The following KIAA1549L variants were observed in gnomAD, a reference collection of about 807,000 sequenced individuals.
KIAA1549L encodes UPF0606 protein KIAA1549L.
A neutral mutation model predicts 160.7 loss-of-function variants in KIAA1549L; 88 were observed. That is an observed-to-expected ratio of 0.55 (90% CI 0.46 to 0.65). The LOEUF is 0.65. Among genes scored for constraint, KIAA1549L ranks in the 30% least tolerant of loss-of-function variants. The pLI, the probability that KIAA1549L is intolerant of heterozygous loss-of-function variation, is 0.00. For synonymous variants in KIAA1549L, 950 were observed against 976.7 expected (o/e 0.97, Z 0.51); for missense variants, 2,258 against 2,437.5 (o/e 0.93, Z 1.55).
intron 8 of KIAA1549L, among the ~76,000 whole-genome samples, chr11:33,562,846 T>C (rs1386092645): frequency 1.3e-5 from 2 of 151,530 alleles, no homozygotes; most frequent in Non-Finnish European, 2.9e-5. Context: ...AACCAGCTAA[T>C]TTTTTTGTAT....
chr11:33,578,650 C>T (rs1401510880), intron 10 of KIAA1549L, among the ~76,000 whole-genome samples: 1 of 152,218 alleles, frequency 6.6e-6, no homozygotes, highest in African/African-American at 2.4e-5. Context: ...CAGGTGCACC[C>T]AGCAAGCCTT....
intron 16 of KIAA1549L, among the ~76,000 whole-genome samples, chr11:33,633,809 C>G (rs1464348353): frequency 6.6e-6 from 1 of 152,200 alleles, no homozygotes. Flanking sequence ...TACTTACAAG[C>G]TACGTGAAGT....
At chr11:33,470,107 A>T (rs1329233728) in intron 1 of KIAA1549L, among the ~76,000 whole-genome samples, 3 of 151,978 alleles carry the variant, frequency 2.0e-5, no homozygotes, top group Non-Finnish European at 2.9e-5. Context: ...AGGTCATGAG[A>T]ATTTACTCCT....
intron 3 of KIAA1549L, among the ~76,000 whole-genome samples, 168 bp downstream of exon 3, chr11:33,545,546 G>A (rs753748699): frequency 3.9e-5 from 6 of 152,210 alleles, no homozygotes; most frequent in Non-Finnish European, 8.8e-5. Flanking sequence ...TTGATGGCTG[G>A]AGATACTACT....
At chr11:33,523,307 TC>T (rs1853539231) in intron 1 of KIAA1549L, among the ~76,000 whole-genome samples, 1 of 152,206 alleles carries the variant, frequency 6.6e-6, no homozygotes, top group Admixed American at 6.5e-5. Flanking sequence ...AATAAAACTT[TC>T]GTTTACCACA....
chr11:33,655,685 C>T (rs1852040114), intron 17 of KIAA1549L, among the ~76,000 whole-genome samples: 1 of 151,950 alleles, frequency 6.6e-6, no homozygotes, highest in Non-Finnish European at 1.5e-5. Flanking sequence ...GAGTCTGGGG[C>T]TGGATGAATG....
At chr11:33,403,600 GGACACACACA>G (rs1188121861) in intron 1 of KIAA1549L, 1 of 140,964 alleles carries the variant, frequency 7.1e-6, no homozygotes, top group African/African-American at 2.6e-5. Flanking sequence ...ACACGCAAAG[GGACACACACA>G]GACACACACA....
At chr11:33,634,038 T>TTTGTTG (rs753973969) in intron 16 of KIAA1549L, among the ~76,000 whole-genome samples, 1 of 152,058 alleles carries the variant, frequency 6.6e-6, no homozygotes, top group East Asian at 1.9e-4. Flanking sequence ...CTACTCTGTT[T>TTTGTTG]TTGTTGTTGT....
Position 33,606,858 on chromosome 11 carries a change from G to A in KIAA1549L, c.5061+36G>A, listed in dbSNP as rs551804099. ...GGAGACCCAGGGCAGGAGATGGTCCGGCCAGACTTGGGAAATTCGGACGAA... is the reference window on the plus strand; with the variant it reads ...GGAGACCCAGGGCAGGAGATGGTCCAGCCAGACTTGGGAAATTCGGACGAA... On this transcript the variant is annotated intron_variant, in intron 14 of 20. Coordinates refer to ENST00000658780, the MANE Select transcript of KIAA1549L (RefSeq NM_012194.3). 34 of 1,534,872 alleles carry A rather than the reference G, an allele frequency of 2.2e-5. No individual in the cohort carries two copies. In the East Asian group the frequency reaches 5.5e-4, roughly 25 times the overall value.
rs752808243 is a variant in KIAA1549L at position 33,606,771 on chromosome 11, G to GC, written c.5016dup (p.Thr1673HisfsTer62). 1 of 1,613,206 alleles carries GC rather than the reference G, an allele frequency of 6.2e-7. No individual in the cohort carries two copies. The highest frequency in any genetic ancestry group is 1.1e-5 in the South Asian group (1 of 90,882). On this transcript the variant is annotated frameshift_variant, in exon 14 of 21. Transcript: ENST00000658780. LOFTEE classifies it high-confidence loss of function. Reference sequence around the variant, plus strand: ...TAAAACCCACAGCCCTCCCCATGGTGCCCCCCACCTCGGACAGGAGCCAGG... The same window carrying GC: ...TAAAACCCACAGCCCTCCCCATGGTGCCCCCCCACCTCGGACAGGAGCCAGG...
At chr11:33,507,349 T>C (rs1853115039) in intron 1 of KIAA1549L, among the ~76,000 whole-genome samples, 1 of 152,206 alleles carries the variant, frequency 6.6e-6, no homozygotes, top group Non-Finnish European at 1.5e-5. Flanking sequence ...AGCCAGAGTT[T>C]TGCAGAGACT....
intron 1 of KIAA1549L, among the ~76,000 whole-genome samples, chr11:33,503,400 G>A (rs1037172766): frequency 6.6e-6 from 1 of 152,172 alleles, no homozygotes; most frequent in East Asian, 1.9e-4. Context: ...CATTATTCCA[G>A]TACATGTCTT....
intron 1 of KIAA1549L, among the ~76,000 whole-genome samples, chr11:33,456,088 C>T (rs1267549143): frequency 6.6e-6 from 1 of 152,130 alleles, no homozygotes; most frequent in Non-Finnish European, 1.5e-5. Flanking sequence ...GGGGACTCTT[C>T]TTTACTTGGC....
chr11:33,428,570 G>A (rs1018481346), intron 1 of KIAA1549L, among the ~76,000 whole-genome samples: 3 of 152,118 alleles, frequency 2.0e-5, no homozygotes, highest in Non-Finnish European at 2.9e-5. Flanking sequence ...CTGTCCTTGC[G>A]ATAGTTTGCT....
intron 16 of KIAA1549L, among the ~76,000 whole-genome samples, chr11:33,618,891 T>C (rs1363013919): frequency 2.6e-5 from 4 of 152,268 alleles, no homozygotes; most frequent in Non-Finnish European, 5.9e-5. Flanking sequence ...TGCCATGTTA[T>C]GAATAGCACA....
At chr11:33,602,205 G>C (rs2133312034) in intron 13 of KIAA1549L, among the ~76,000 whole-genome samples, 1 of 152,198 alleles carries the variant, frequency 6.6e-6, no homozygotes, top group East Asian at 1.9e-4. Flanking sequence ...AACTTCACCT[G>C]TCTAAGGTAT....
Position 33,668,233 on chromosome 11 carries a change from C to T in KIAA1549L, c.*79C>T. On this transcript the variant is annotated 3_prime_UTR_variant, in exon 21 of 21. Coordinates refer to ENST00000658780, the MANE Select transcript of KIAA1549L (RefSeq NM_012194.3). ...GGTTTCCCATGCCTACGTGTTAGGA[C>T]TTGAGACATAGCAATGGGTGAGTCT... 1.5e-6 allele frequency: 2 copies of T among 1,349,586 alleles called. No homozygotes were observed. Among genetic ancestry groups the T allele is most frequent in the Non-Finnish European group, 2.0e-6 (2 of 978,272 alleles). The allele number at this position is 1,349,586 out of a possible 1,614,324, so 83.6% of individuals were successfully genotyped here.
chr11:33,384,201 C>G (rs1325606209), intron 1 of KIAA1549L, among the ~76,000 whole-genome samples: 1 of 152,224 alleles, frequency 6.6e-6, no homozygotes, highest in Admixed American at 6.5e-5. Context: ...TTGCCTTTCC[C>G]AGAAGGTCGT....
At chr11:33,533,560 A>C (rs1263987515) in intron 1 of KIAA1549L, among the ~76,000 whole-genome samples, 1 of 152,232 alleles carries the variant, frequency 6.6e-6, no homozygotes, top group Non-Finnish European at 1.5e-5. Context: ...ATGTGCATAC[A>C]TGCACGTGAT....
Sources: allele counts gnomAD v4.1 joint callset (sites outside exome capture counted in the v4.1 genomes callset), GRCh38; gene constraint gnomAD v4.1.1; transcripts MANE v1.5; gene names NCBI Gene and HGNC (gene_info 2026-07-23, HGNC 2026-07-21).